PRDM6: variants seen among roughly 807,000 people sequenced by gnomAD.
PRDM6 encodes the protein putative histone-lysine N-methyltransferase PRDM6.
A neutral mutation model predicts 60.8 loss-of-function variants in PRDM6; 25 were observed. The ratio of observed to expected loss-of-function variants is 0.41; its 90% CI spans 0.30 to 0.57. The LOEUF is 0.57. Ranked by LOEUF, PRDM6 falls within the 20% of genes least tolerant of loss-of-function variation. The pLI, the probability that PRDM6 is intolerant of heterozygous loss-of-function variation, is 0.27. For missense variants in PRDM6, 839 were observed against 821.3 expected (o/e 1.02, Z -0.26); for synonymous variants, 407 against 357.4 (o/e 1.14, Z -1.57).
chr5:123,092,347 A>C lies in PRDM6; in HGVS notation c.592+1741A>C, dbSNP rs542284640. On this transcript the variant is annotated intron_variant, in intron 2 of 7. Coordinates refer to ENST00000407847, the MANE Select transcript of PRDM6 (RefSeq NM_001136239.4). The stretch of plus-strand genomic sequence containing the variant: ...CATTGCAGGCTGAGAATGCTTCATC[A>C]ATCTTGCAATTTCACTTCTGAATTA... Among the ~76,000 whole-genome samples, 4 of 152,312 alleles carry C rather than the reference A, an allele frequency of 2.6e-5. No individual in the cohort carries two copies. In the East Asian group the frequency reaches 7.7e-4, roughly 29 times the overall value.
At position 123,090,610 on chromosome 5, in the gene PRDM6, C is replaced by A; in HGVS notation, c.592+4C>A. The A allele has an allele frequency of 6.6e-7, 1 of 1,517,972 alleles. No homozygotes were observed. Among genetic ancestry groups the A allele is most frequent in the Non-Finnish European group, 8.8e-7 (1 of 1,140,536 alleles). The allele number at this position is 1,517,972 out of a possible 1,614,324, so 94.0% of individuals were successfully genotyped here. ...CACACCAGCGACCCCAACAACCGTA[C>A]GTAGCCGCAGCCCGCGCGCTCTCTC... On this transcript the variant is annotated splice_donor_region_variant and intron_variant, in intron 2 of 7. Coordinates refer to ENST00000407847, the MANE Select transcript of PRDM6 (RefSeq NM_001136239.4).
At chr5:123,150,363 C>T (rs190219849) in intron 3 of PRDM6, among the ~76,000 whole-genome samples, 10 of 152,256 alleles carry the variant, frequency 6.6e-5, no homozygotes, top group African/African-American at 1.2e-4. Context: ...TGGTTTATAT[C>T]GTGTGTTTTC....
intron 5 of PRDM6, 147 bp from the exon 6 acceptor site, chr5:123,170,619 A>G (rs1765865536): frequency 1.5e-6 from 1 of 656,258 alleles, no homozygotes; most frequent in Non-Finnish European, 2.6e-6. Flanking sequence ...TTTTCCCCTC[A>G]AATCAGATGG....
intron 7 of PRDM6, among the ~76,000 whole-genome samples, chr5:123,182,411 A>G (rs1053628575): frequency 6.6e-6 from 1 of 152,218 alleles, no homozygotes; most frequent in African/African-American, 2.4e-5. Flanking sequence ...CAGCCAGACC[A>G]ATACAGTGCC....
chr5:123,156,132 A>ATTT (rs35231752), intron 4 of PRDM6, 121 bp downstream of exon 4: 19 of 776,066 alleles, frequency 2.4e-5, no homozygotes, highest in East Asian at 1.0e-4. Flanking sequence ...ACTGGCAGAC[A>ATTT]TTTTTTTTTT....
At position 123,191,125 on chromosome 5, in the gene PRDM6, T is replaced by G. The variant is rs335168; in HGVS notation, c.*3924T>G. On this transcript the variant is annotated 3_prime_UTR_variant, in exon 8 of 8. Coordinates refer to ENST00000407847, the MANE Select transcript of PRDM6 (RefSeq NM_001136239.4). ...CCCTTTCAATGATAAGGCAACAAGT[T>G]GGGTACAAGGCTGGAGTTGCTCAGG... 89,235 of 152,080 alleles carry G rather than the reference T, an allele frequency of 0.59. 28,857 individuals carry two copies. The highest frequency in any genetic ancestry group is 0.85 in the African/African-American group (35,198 of 41,494). The allele number at this position is 152,080 out of a possible 1,614,324, so 9.4% of individuals were successfully genotyped here.
intron 3 of PRDM6, among the ~76,000 whole-genome samples, chr5:123,137,179 A>G (rs114708299): frequency 1.9e-3 from 291 of 152,312 alleles, no homozygotes; most frequent in Non-Finnish European, 3.5e-3. Flanking sequence ...ACTTGCACAT[A>G]TGTGTGGACA....
chr5:123,115,681 A>C (rs763427972), intron 3 of PRDM6, among the ~76,000 whole-genome samples: 17 of 152,184 alleles, frequency 1.1e-4, no homozygotes, highest in Admixed American at 1.3e-4. Flanking sequence ...GCTTGTCCTC[A>C]TCATAAAACC....
intron 3 of PRDM6, among the ~76,000 whole-genome samples, chr5:123,106,454 A>AAG (rs1172464703): frequency 3.3e-5 from 5 of 152,142 alleles, no homozygotes; most frequent in Non-Finnish European, 7.4e-5. Flanking sequence ...TTAGACAAAA[A>AAG]AGAGAGAGAG....
rs373670853 is a variant in PRDM6 at position 123,092,539 on chromosome 5, G to T, written c.592+1933G>T. ...GATTCCTAATTAATATATGGGTATT[G>T]AACCAGTTTATTGCCTGGGTAACTT... On this transcript the variant is annotated intron_variant, in intron 2 of 7. Transcript: ENST00000407847. Among the ~76,000 whole-genome samples the T allele has an allele frequency of 9.9e-5, 15 of 152,226 alleles. 1 individual carries two copies. The highest frequency in any genetic ancestry group is 4.6e-4 in the Admixed American group (7 of 15,292).
intron 3 of PRDM6, among the ~76,000 whole-genome samples, chr5:123,143,835 G>A (rs1765177494): frequency 6.6e-6 from 1 of 152,130 alleles, no homozygotes; most frequent in African/African-American, 2.4e-5. Flanking sequence ...ACAACTTAAT[G>A]CTTTTAATAC....
chr5:123,144,819 C>T (rs1342663794), intron 3 of PRDM6, among the ~76,000 whole-genome samples: 3 of 152,178 alleles, frequency 2.0e-5, no homozygotes, highest in African/African-American at 7.2e-5. Context: ...TCAACTCTGC[C>T]TTAGCTGTTT....
intron 3 of PRDM6, 74 bp from the exon 4 acceptor site, chr5:123,155,810 G>A: frequency 3.3e-6 from 5 of 1,496,412 alleles, no homozygotes; most frequent in Middle Eastern, 1.7e-4. Flanking sequence ...GACACATAAA[G>A]ACACCAAGGG....
chr5:123,094,396 G>T (rs1409029824), intron 2 of PRDM6, among the ~76,000 whole-genome samples: 1 of 151,880 alleles, frequency 6.6e-6, no homozygotes, highest in East Asian at 1.9e-4. Context: ...GTCCGGGTGG[G>T]AGGGAGCTTT....
intron 7 of PRDM6, among the ~76,000 whole-genome samples, chr5:123,182,446 G>C (rs914606131): frequency 1.3e-5 from 2 of 152,178 alleles, no homozygotes; most frequent in African/African-American, 4.8e-5. Context: ...TTTTTATCTT[G>C]TTGCTGTGTA....
At chr5:123,112,910 A>C (rs1237146035) in intron 3 of PRDM6, among the ~76,000 whole-genome samples, 1 of 148,524 alleles carries the variant, frequency 6.7e-6, no homozygotes, top group Non-Finnish European at 1.5e-5. Context: ...AATTTGGTTC[A>C]CTTTTATAGT....
At chr5:123,127,636 G>A (rs181224671) in intron 3 of PRDM6, among the ~76,000 whole-genome samples, 6 of 152,230 alleles carry the variant, frequency 3.9e-5, no homozygotes, top group African/African-American at 9.6e-5. Flanking sequence ...CTTTTGATCC[G>A]AAAACAGTGC....
intron 3 of PRDM6, among the ~76,000 whole-genome samples, chr5:123,118,124 G>A (rs181908196): frequency 4.6e-5 from 7 of 152,234 alleles, no homozygotes; most frequent in African/African-American, 4.8e-5. Context: ...TGAAGAGCCA[G>A]TTGGGGAGGT....
intron 6 of PRDM6, among the ~76,000 whole-genome samples, chr5:123,172,799 T>A (rs1309222799): frequency 6.6e-6 from 1 of 152,218 alleles, no homozygotes; most frequent in Admixed American, 6.5e-5. Context: ...GAAGATGAGA[T>A]GAGTTTATGC....
Sources: gnomAD v4.1 joint callset for allele counts (sites outside exome capture counted in the v4.1 genomes callset) on GRCh38, gnomAD v4.1.1 for gene constraint, MANE v1.5 for transcripts, NCBI Gene and HGNC (gene_info 2026-07-23, HGNC 2026-07-21) for gene names.